Variants in PLCG2 observed in about 807,000 individuals in gnomAD.
PLCG2 encodes the protein phospholipase C gamma 2.
A neutral mutation model predicts 175.6 loss-of-function variants in PLCG2; 69 were observed. That is an observed-to-expected ratio of 0.39 (90% confidence interval 0.32 to 0.48). The LOEUF (loss-of-function observed/expected upper bound fraction) is 0.48. Among genes scored for constraint, PLCG2 ranks in the 20% least tolerant of loss-of-function variants. PLCG2 has a pLI of 0.91. For missense variants in PLCG2, 1,798 were observed against 1,650.9 expected, an observed-to-expected ratio of 1.09 and a Z score of -1.54; for synonymous variants, 827 against 624.0, an observed-to-expected ratio of 1.33 and a Z score of -4.85.
chr16:81,946,301 A>G, intron 31 of PLCG2, 38 bp downstream of exon 31: 2 of 1,471,268 alleles, frequency 1.4e-6, no homozygotes, highest in Middle Eastern at 1.7e-4. Flanking sequence ...TCCCTGAGCT[A>G]TGCCTGCTGG....
chr16:81,935,913 A>G, intron 26 of PLCG2: 3 of 985,322 alleles, frequency 3.0e-6, no homozygotes, highest in Non-Finnish European at 3.6e-6. Flanking sequence ...GATAGTTTAA[A>G]AAAAAAAGTA....
At chr16:81,806,140 T>C (rs1912011859) in intron 2 of PLCG2, among the ~76,000 whole-genome samples, 1 of 152,152 alleles carries the variant, frequency 6.6e-6, no homozygotes. Flanking sequence ...TTTATACCTA[T>C]AACACATCTT....
intron 2 of PLCG2, among the ~76,000 whole-genome samples, chr16:81,837,579 G>A (rs1004908153): frequency 3.5e-4 from 53 of 152,308 alleles, no homozygotes; most frequent in African/African-American, 1.3e-3. Context: ...TTAACAACAG[G>A]CAGTGCCTAG....
chr16:81,910,436 G>A lies in PLCG2; in HGVS notation c.1734-84G>A, dbSNP rs148698170. ...CAGAGGGAAGGTTGTGTGGCCACATGTAATGTCCCCGCCTCTGAGGCCCTG... is the reference window on the plus strand; with the variant it reads ...CAGAGGGAAGGTTGTGTGGCCACATATAATGTCCCCGCCTCTGAGGCCCTG... On this transcript the variant is annotated intron_variant, in intron 17 of 32. Coordinates refer to ENST00000564138, the MANE Select transcript of PLCG2 (RefSeq NM_002661.5). 2.9e-4 allele frequency: 352 copies of A among 1,224,030 alleles called. 5 individuals carry two copies. In the African/African-American group the frequency reaches 4.6e-3, roughly 16 times the overall value. 75.8% of individuals were successfully genotyped at this position (1,224,030 alleles called of 1,614,324 possible).
Position 81,789,904 on chromosome 16 carries a change from C to T in PLCG2, c.193+3722C>T, listed in dbSNP as rs372323490. Among the ~76,000 whole-genome samples, 15 of 148,174 alleles carry T rather than the reference C, an allele frequency of 1.0e-4. No individual in the cohort carries two copies. In the East Asian group the frequency reaches 1.3e-3, roughly 13 times the overall value. On this transcript the variant is annotated intron_variant, in intron 2 of 32. Transcript: ENST00000564138. ...TGCCCACTGTAGGCGCCGCCCTAGG[C>T]GCTAGAGATACAGCAGTTATTAAAT...
chr16:81,802,063 T>TAGA (rs1173212269), intron 2 of PLCG2, among the ~76,000 whole-genome samples: 1 of 137,328 alleles, frequency 7.3e-6, no homozygotes, highest in Admixed American at 7.8e-5. Flanking sequence ...ATGAAAAAAC[T>TAGA]AGAAGTTAGC....
intron 2 of PLCG2, among the ~76,000 whole-genome samples, chr16:81,767,136 GTTTTTTTTTTTT>G (rs66799783): frequency 9.3e-4 from 67 of 71,730 alleles, no homozygotes; most frequent in Admixed American, 2.5e-3. Context: ...TAAACTCGTG[GTTTTTTTTTTTT>G]TTTTTTTTTT....
At chr16:81,910,493 A>G (rs1224191183) in intron 17 of PLCG2, 27 bp from the exon 18 acceptor site, 1 of 1,610,194 alleles carries the variant, frequency 6.2e-7, no homozygotes, top group Non-Finnish European at 8.5e-7. Context: ...GCGTTCTCCC[A>G]GCACTGATGG....
At chr16:81,826,896 G>T (rs987257630) in intron 2 of PLCG2, among the ~76,000 whole-genome samples, 1 of 152,134 alleles carries the variant, frequency 6.6e-6, no homozygotes, top group Non-Finnish European at 1.5e-5. Context: ...ATCCATTTGA[G>T]GTCTTGGTTT....
chr16:81,750,192 C>T (rs531039398), intron 1 of PLCG2, among the ~76,000 whole-genome samples: 1 of 152,210 alleles, frequency 6.6e-6, no homozygotes, highest in East Asian at 1.9e-4. Context: ...CAGATCACCT[C>T]AGGCCAGGAG....
rs1911709609 is a variant in PLCG2 at position 81,959,672 on chromosome 16, A to G, written c.*1674A>G. ...GAAAGAACATTCCTCTTAGTGGCAG[A>G]TGTTCAAAGCAACTTTCAAGAAAGG... On this transcript the variant is annotated 3_prime_UTR_variant, in exon 33 of 33. Coordinates refer to ENST00000564138, the MANE Select transcript of PLCG2 (RefSeq NM_002661.5). The G allele has an allele frequency of 5.4e-6, 1 of 186,598 alleles. No homozygotes were observed. The highest frequency in any genetic ancestry group is 2.0e-4 in the South Asian group (1 of 5,120). The allele number at this position is 186,598 out of a possible 1,614,324, so 11.6% of individuals were successfully genotyped here.
At chr16:81,848,173 C>G (rs938115420) in intron 2 of PLCG2, among the ~76,000 whole-genome samples, 36 of 152,190 alleles carry the variant, frequency 2.4e-4, no homozygotes, top group African/African-American at 8.7e-4. Flanking sequence ...GAAATAGACC[C>G]ACACAAATAT....
In PLCG2 at chr16:81,943,980, T is replaced by C. The variant is rs75446520; in HGVS notation, c.3482-2195T>C. On this transcript the variant is annotated intron_variant, in intron 30 of 32. Transcript: ENST00000564138. ...AATTCTGTGTCCCATGGGCTCATTTTGAAGAGAACAAAAGAGGACAAATTT... is the reference window on the plus strand; with the variant it reads ...AATTCTGTGTCCCATGGGCTCATTTCGAAGAGAACAAAAGAGGACAAATTT... Among the ~76,000 whole-genome samples the C allele has an allele frequency of 7.7e-3, 1,175 of 152,300 alleles. 9 individuals carry two copies. Among genetic ancestry groups the C allele is most frequent in the Non-Finnish European group, 9.1e-3 (622 of 68,032 alleles).
At chr16:81,938,978 T>C in intron 29 of PLCG2, 63 bp downstream of exon 29, 1 of 910,774 alleles carries the variant, frequency 1.1e-6, no homozygotes, top group East Asian at 2.5e-5. Context: ...TTTGTGGGAG[T>C]GCTCTTCGTG....
intron 1 of PLCG2, among the ~76,000 whole-genome samples, chr16:81,753,342 G>GTTTTTTTTTTTTTT (rs34438350): frequency 2.2e-5 from 2 of 91,124 alleles, no homozygotes; most frequent in Admixed American, 1.3e-4. Flanking sequence ...GTCCTGGCAG[G>GTTTTTTTTTTTTTT]TTTTTTTTTT....
At chr16:81,762,735 C>G (rs181105149) in intron 2 of PLCG2, among the ~76,000 whole-genome samples, 2 of 152,134 alleles carry the variant, frequency 1.3e-5, no homozygotes, top group Non-Finnish European at 2.9e-5. Flanking sequence ...ACTGCAATAT[C>G]CCCCCAAGTC....
intron 22 of PLCG2, among the ~76,000 whole-genome samples, chr16:81,925,253 G>T (rs1910214818): frequency 6.6e-6 from 1 of 152,184 alleles, no homozygotes; most frequent in African/African-American, 2.4e-5. Flanking sequence ...TGCTACCTAG[G>T]GGGCCGCCTG....
At chr16:81,808,211 A>G (rs1904290688) in intron 2 of PLCG2, among the ~76,000 whole-genome samples, 2 of 152,214 alleles carry the variant, frequency 1.3e-5, no homozygotes, top group Admixed American at 6.5e-5. Flanking sequence ...TTGTGACTAC[A>G]TTTAACCTTT....
chr16:81,806,283 A>G (rs1375241136), intron 2 of PLCG2, among the ~76,000 whole-genome samples: 1 of 151,966 alleles, frequency 6.6e-6, no homozygotes, highest in Non-Finnish European at 1.5e-5. Flanking sequence ...CCAAGCAGCA[A>G]AGGCATTCTC....
Sources: gnomAD v4.1 joint callset for allele counts (sites outside exome capture counted in the v4.1 genomes callset) on GRCh38, gnomAD v4.1.1 for gene constraint, MANE v1.5 for transcripts, NCBI Gene and HGNC (gene_info 2026-07-23, HGNC 2026-07-21) for gene names.